The following VRK2 variants were observed in gnomAD, a reference collection of about 807,000 sequenced individuals.
VRK2 encodes the protein serine/threonine-protein kinase VRK2.
A neutral mutation model predicts 57.6 loss-of-function variants in VRK2; 60 were observed. The ratio of observed to expected loss-of-function variants is 1.04; its 90% confidence interval spans 0.85 to 1.29. The LOEUF is 1.29. Ranked by LOEUF, VRK2 falls within the 50% of genes most tolerant of loss-of-function variation. The pLI is 0.00. For synonymous variants in VRK2, 231 were observed against 199.2 expected (o/e 1.16, Z -1.35); for missense variants, 705 against 588.1 (o/e 1.20, Z -2.06).
At chr2:58,127,399 T>C (rs924213265) in intron 8 of VRK2, among the ~76,000 whole-genome samples, 2 of 152,152 alleles carry the variant, frequency 1.3e-5, no homozygotes, top group Non-Finnish European at 2.9e-5. Flanking sequence ...GAATGACTTT[T>C]CCTAAGTTTC....
At chr2:57,934,113 T>C (rs190393307) in intron 1 of VRK2, among the ~76,000 whole-genome samples, 187 of 152,364 alleles carry the variant, frequency 1.2e-3, no homozygotes, top group African/African-American at 4.0e-3. Flanking sequence ...TTATTGAACC[T>C]ATAGTTATTT....
At position 58,087,536 on chromosome 2, in the gene VRK2, T is replaced by C. The variant is rs750132787; in HGVS notation, c.345-805T>C. Among the ~76,000 whole-genome samples the C allele has an allele frequency of 2.0e-4, 31 of 152,200 alleles. 1 individual carries two copies. The highest frequency in any genetic ancestry group is 3.4e-3 in the Middle Eastern group (1 of 294). On this transcript the variant is annotated intron_variant, in intron 5 of 12. Transcript: ENST00000340157. ...GTGTGTGTGTTTGTGTATGCATGCATAGATATAGAATAGGGGCTGATGTGG... is the reference window on the plus strand; with the variant it reads ...GTGTGTGTGTTTGTGTATGCATGCACAGATATAGAATAGGGGCTGATGTGG...
At chr2:58,096,139 A>G (rs552145189) in intron 7 of VRK2, among the ~76,000 whole-genome samples, 2 of 152,162 alleles carry the variant, frequency 1.3e-5, no homozygotes, top group East Asian at 3.9e-4. Flanking sequence ...ATAAATCTTG[A>G]TGTGTTATGG....
At chr2:57,966,413 T>C (rs528742378) in intron 1 of VRK2, among the ~76,000 whole-genome samples, 6 of 152,194 alleles carry the variant, frequency 3.9e-5, no homozygotes, top group African/African-American at 1.4e-4. Flanking sequence ...AGTAAGTATA[T>C]AGGTAATAAG....
chr2:58,135,553 T>C (rs533195483), intron 10 of VRK2, among the ~76,000 whole-genome samples: 23 of 152,006 alleles, frequency 1.5e-4, no homozygotes, highest in African/African-American at 5.3e-4. Flanking sequence ...CTCTATATAT[T>C]GTTGAAAGAA....
chr2:57,993,258 G>GT (rs1284056406), intron 1 of VRK2, among the ~76,000 whole-genome samples: 16 of 152,074 alleles, frequency 1.1e-4, no homozygotes, highest in Non-Finnish European at 2.1e-4. Context: ...TTCCAGTACT[G>GT]TAACACAATC....
rs72947145 is a variant in VRK2, at chr2:57,934,447, A to C, written c.-439+26608A>C. ...CTCACCTGTGACAAAAGATAGACTT[A>C]TGGTAGTTTCCCCAGTACGTAACTA... On this transcript the variant is annotated intron_variant, in intron 1 of 15. Coordinates refer to the VRK2 transcript ENST00000417641. Among the ~76,000 whole-genome samples, 789 of 152,306 alleles carry C rather than the reference A, an allele frequency of 5.2e-3. 13 individuals are homozygous for C. The highest frequency in any genetic ancestry group is 0.018 in the African/African-American group (757 of 41,578).
At chr2:57,996,060 T>C (rs997187505) in intron 1 of VRK2, among the ~76,000 whole-genome samples, 8 of 152,222 alleles carry the variant, frequency 5.3e-5, no homozygotes, top group Non-Finnish European at 1.0e-4. Context: ...AACATTTACA[T>C]TGCATTAGGT....
rs1045338879 is a variant in VRK2 at position 58,126,539 on chromosome 2, C to T, written c.676+3306C>T. ...CCAAAAGATATGCATGGAGATGTAT[C>T]GTGATGGATGGACAGATGGATGAAT... On this transcript the variant is annotated intron_variant, in intron 8 of 12. Coordinates refer to ENST00000340157, the MANE Select transcript of VRK2 (RefSeq NM_006296.7). 4.0e-5 allele frequency among the ~76,000 whole-genome samples: 6 copies of T among 151,550 alleles called. No individual in the cohort carries two copies. In the East Asian group the frequency reaches 5.8e-4, roughly 15 times the overall value.
chr2:58,059,312 T>A (rs994521672), intron 2 of VRK2, among the ~76,000 whole-genome samples: 5 of 152,044 alleles, frequency 3.3e-5, no homozygotes, highest in Non-Finnish European at 7.4e-5. Flanking sequence ...TGAATACATT[T>A]GTCTAGTTTT....
intron 3 of VRK2, 23 bp downstream of exon 3, chr2:58,084,161 T>A: frequency 1.9e-6 from 3 of 1,582,540 alleles, no homozygotes; most frequent in Middle Eastern, 1.7e-4. Flanking sequence ...CATAGATTTG[T>A]ATTTCACATA....
chr2:57,943,541 C>A (rs1054519510), intron 1 of VRK2, among the ~76,000 whole-genome samples: 3 of 152,050 alleles, frequency 2.0e-5, no homozygotes, highest in African/African-American at 7.2e-5. Flanking sequence ...ACAAAGTTTG[C>A]CACTGATACA....
intron 7 of VRK2, among the ~76,000 whole-genome samples, chr2:58,116,030 T>G (rs1230327131): frequency 2.0e-5 from 3 of 152,130 alleles, no homozygotes; most frequent in Non-Finnish European, 4.4e-5. Flanking sequence ...GAACTAACTT[T>G]TAAGCCTTGT....
At chr2:58,104,132 A>G (rs888983858) in intron 7 of VRK2, among the ~76,000 whole-genome samples, 5 of 151,742 alleles carry the variant, frequency 3.3e-5, no homozygotes, top group African/African-American at 9.7e-5. Context: ...GTTGAAAGCA[A>G]TCTCCCTACA....
intron 11 of VRK2, among the ~76,000 whole-genome samples, chr2:58,142,835 C>T (rs1244072149): frequency 6.6e-6 from 1 of 151,808 alleles, no homozygotes; most frequent in Non-Finnish European, 1.5e-5. Context: ...TGACTCCCAC[C>T]TTATTATGGT....
chr2:57,908,903 T>C (rs1377258214), intron 1 of VRK2, among the ~76,000 whole-genome samples: 2 of 152,124 alleles, frequency 1.3e-5, no homozygotes, highest in Middle Eastern at 3.2e-3. Flanking sequence ...TAAATGCCTA[T>C]ATTAGAAAGA....
intron 1 of VRK2, among the ~76,000 whole-genome samples, chr2:57,976,157 C>A (rs913426456): frequency 6.6e-6 from 1 of 152,050 alleles, no homozygotes; most frequent in Non-Finnish European, 1.5e-5. Context: ...TTTATTCAGT[C>A]CACTGTTCAG....
intron 1 of VRK2, among the ~76,000 whole-genome samples, chr2:57,956,340 A>G (rs1257121019): frequency 6.6e-6 from 1 of 152,198 alleles, no homozygotes; most frequent in East Asian, 1.9e-4. Flanking sequence ...ACCTGTGATC[A>G]TGAGACTGCA....
chr2:58,061,889 A>G (rs775887733), intron 2 of VRK2, among the ~76,000 whole-genome samples: 10 of 151,916 alleles, frequency 6.6e-5, no homozygotes, highest in Non-Finnish European at 1.2e-4. Flanking sequence ...GAAAGGGGTA[A>G]GGGTTCTGGT....
Sources: allele counts gnomAD v4.1 joint callset (sites outside exome capture counted in the v4.1 genomes callset), GRCh38; gene constraint gnomAD v4.1.1; transcripts MANE v1.5; gene names NCBI Gene and HGNC (gene_info 2026-07-23, HGNC 2026-07-21).